CNTNAP5: variants seen among roughly 807,000 people sequenced by gnomAD.
CNTNAP5 encodes the protein contactin associated protein family member 5.
Under a neutral mutation model 150.2 loss-of-function variants are expected in CNTNAP5, and 72 were observed. The observed-to-expected ratio is 0.48, with a 90% CI of 0.40 to 0.58. The LOEUF (loss-of-function observed/expected upper bound fraction) is 0.58, where lower values mean the gene tolerates loss of function less well. Ranked by LOEUF, CNTNAP5 falls within the 20% of genes least tolerant of loss-of-function variation. The pLI is 0.00. For synonymous variants in CNTNAP5, 672 were observed against 619.8 expected, an observed-to-expected ratio of 1.08 and a Z score of -1.25; for missense variants, 1,636 against 1,626.2, an observed-to-expected ratio of 1.01 and a Z score of -0.10.
chr2:124,441,037 A>G (rs1314264742), intron 5 of CNTNAP5, among the ~76,000 whole-genome samples: 1 of 152,094 alleles, frequency 6.6e-6, no homozygotes, highest in African/African-American at 2.4e-5. Context: ...ACCATCCTAC[A>G]CTTCTCATAA....
chr2:124,799,355 A>C (rs1465588297), intron 19 of CNTNAP5, among the ~76,000 whole-genome samples: 2 of 152,244 alleles, frequency 1.3e-5, no homozygotes, highest in African/African-American at 2.4e-5. Flanking sequence ...TCCACCCTGC[A>C]AGGATGACTA....
At chr2:124,183,317 G>A (rs754069744) in intron 1 of CNTNAP5, among the ~76,000 whole-genome samples, 24 of 152,064 alleles carry the variant, frequency 1.6e-4, no homozygotes, top group Non-Finnish European at 2.8e-4. Flanking sequence ...GCTCCAGAAG[G>A]GAATGTTCTC....
intron 1 of CNTNAP5, among the ~76,000 whole-genome samples, chr2:124,033,112 T>C (rs1217428194): frequency 6.6e-6 from 1 of 152,146 alleles, no homozygotes; most frequent in Non-Finnish European, 1.5e-5. Context: ...TGGCGTAAAT[T>C]CCATGTCTCT....
chr2:124,835,262 TA>T (rs5834089), intron 19 of CNTNAP5, among the ~76,000 whole-genome samples: 91,090 of 151,912 alleles, frequency 0.6, 28,711 homozygotes, highest in East Asian at 0.85. Flanking sequence ...CAGGTTAATT[TA>T]AAATTTTGCT....
chr2:124,344,223 CA>C (rs1177876111), intron 3 of CNTNAP5, among the ~76,000 whole-genome samples: 1 of 151,870 alleles, frequency 6.6e-6, no homozygotes, highest in Non-Finnish European at 1.5e-5. Context: ...ATGTCCTTCT[CA>C]AACAAAAAAT....
intron 3 of CNTNAP5, among the ~76,000 whole-genome samples, chr2:124,270,186 GTAATCCCAGCTAC>G (rs1687711155): frequency 6.6e-6 from 1 of 152,006 alleles, no homozygotes; most frequent in Non-Finnish European, 1.5e-5. Flanking sequence ...ACGATGGCCT[GTAATCCCAGCTAC>G]TCAGGAGGCT....
intron 19 of CNTNAP5, among the ~76,000 whole-genome samples, chr2:124,809,350 T>A (rs1682153984): frequency 6.6e-6 from 1 of 151,886 alleles, no homozygotes; most frequent in Admixed American, 6.6e-5. Context: ...CTAGATAGGA[T>A]AATATATAAA....
At chr2:124,807,274 A>T (rs1682100738) in intron 19 of CNTNAP5, among the ~76,000 whole-genome samples, 3 of 152,150 alleles carry the variant, frequency 2.0e-5, no homozygotes. Flanking sequence ...TCTCGATGTT[A>T]AGAAATAAGG....
At chr2:124,042,004 G>T (rs2104632402) in intron 1 of CNTNAP5, among the ~76,000 whole-genome samples, 1 of 152,202 alleles carries the variant, frequency 6.6e-6, no homozygotes, top group Middle Eastern at 3.4e-3. Context: ...GGGATTACAG[G>T]TGTGAGACAC....
chr2:124,818,019 C>T (rs1031045188), intron 19 of CNTNAP5, among the ~76,000 whole-genome samples: 4 of 152,094 alleles, frequency 2.6e-5, no homozygotes, highest in Non-Finnish European at 5.9e-5. Context: ...ACCACTGCCC[C>T]GTGTTTTCAC....
chr2:124,271,683 A>ATC (rs1289799232), intron 3 of CNTNAP5, among the ~76,000 whole-genome samples: 1 of 119,412 alleles, frequency 8.4e-6, no homozygotes, highest in East Asian at 2.2e-4. Context: ...CTATCTATCT[A>ATC]TCTATCTATC....
intron 2 of CNTNAP5, among the ~76,000 whole-genome samples, chr2:124,235,084 T>C (rs1174652911): frequency 6.6e-6 from 1 of 152,070 alleles, no homozygotes; most frequent in Non-Finnish European, 1.5e-5. Flanking sequence ...AAGAGTATAG[T>C]CTCCACTGAA....
intron 11 of CNTNAP5, among the ~76,000 whole-genome samples, chr2:124,570,861 A>T (rs1057056154): frequency 7.2e-5 from 11 of 152,154 alleles, no homozygotes; most frequent in African/African-American, 1.9e-4. Context: ...GACCTCATGG[A>T]TGGAGAATGG....
intron 1 of CNTNAP5, among the ~76,000 whole-genome samples, chr2:124,031,620 A>G (rs754832988): frequency 2.0e-5 from 3 of 152,096 alleles, no homozygotes; most frequent in Non-Finnish European, 4.4e-5. Context: ...TCACATGGCC[A>G]TTTGTTCCTA....
chr2:124,314,064 C>T (rs528342135), intron 3 of CNTNAP5, among the ~76,000 whole-genome samples: 2 of 152,106 alleles, frequency 1.3e-5, no homozygotes, highest in African/African-American at 2.4e-5. Flanking sequence ...AAATACCGTG[C>T]GTGGATGATT....
intron 3 of CNTNAP5, among the ~76,000 whole-genome samples, chr2:124,324,985 T>C (rs1689182269): frequency 2.0e-5 from 3 of 152,110 alleles, no homozygotes; most frequent in Non-Finnish European, 4.4e-5. Context: ...TTAATGAAAA[T>C]AAAGGAGACA....
rs985456468 is a variant in CNTNAP5, at chr2:124,106,645, C to T, written c.82+80913C>T. ...GCAGCTCCTCCATTTGGATGTTCCT[C>T]AGCTATGTCCTTGAACATAAATCAG... On this transcript the variant is annotated intron_variant, in intron 1 of 23. Transcript: ENST00000682447. Among the ~76,000 whole-genome samples, 4 of 152,196 alleles carry T rather than the reference C, an allele frequency of 2.6e-5. 1 individual carries two copies. The highest frequency in any genetic ancestry group is 1.3e-4 in the Admixed American group (2 of 15,284).
chr2:124,764,511 G>A (rs1394287924), intron 16 of CNTNAP5, among the ~76,000 whole-genome samples: 1 of 151,996 alleles, frequency 6.6e-6, no homozygotes, highest in African/African-American at 2.4e-5. Flanking sequence ...TCATATTTAG[G>A]GTCTACTTTT....
chr2:124,666,032 A>G (rs371774441), intron 13 of CNTNAP5, among the ~76,000 whole-genome samples: 233 of 152,308 alleles, frequency 1.5e-3, no homozygotes, highest in African/African-American at 5.3e-3. Context: ...AAAATACTTT[A>G]AAGAGATTTA....
Sources: allele counts gnomAD v4.1 joint callset (sites outside exome capture counted in the v4.1 genomes callset), GRCh38; gene constraint gnomAD v4.1.1; transcripts MANE v1.5; gene names NCBI Gene and HGNC (gene_info 2026-07-23, HGNC 2026-07-21).